The following SS18 variants were observed in gnomAD, a reference collection of about 807,000 sequenced individuals.
SS18 encodes SS18 subunit of BAF chromatin remodeling complex, also known as protein SSXT.
A neutral mutation model predicts 72.5 loss-of-function variants in SS18; 28 were observed. That is an observed-to-expected ratio of 0.39 (90% CI 0.29 to 0.53). The LOEUF (loss-of-function observed/expected upper bound fraction) is 0.53, where lower values mean the gene tolerates loss of function less well. Among genes scored for constraint, SS18 ranks in the 20% least tolerant of loss-of-function variants. The pLI, the probability that SS18 is intolerant of heterozygous loss-of-function variation, is 0.76. For synonymous variants in SS18, 172 were observed against 164.2 expected (o/e 1.05, Z -0.37); for missense variants, 518 against 535.3 (o/e 0.97, Z 0.32).
intron 5 of SS18, among the ~76,000 whole-genome samples, chr18:26,040,755 C>CT (rs2053709463): frequency 6.6e-6 from 1 of 152,136 alleles, no homozygotes; most frequent in South Asian, 2.1e-4. Context: ...GCTTCTGTTT[C>CT]TTTTTTCCTC....
At chr18:26,031,796 G>GT (rs2053546425) in intron 10 of SS18, among the ~76,000 whole-genome samples, 1 of 152,178 alleles carries the variant, frequency 6.6e-6, no homozygotes, top group Non-Finnish European at 1.5e-5. Flanking sequence ...AGGGCGGAAA[G>GT]TTTTAATTTA....
At chr18:26,039,216 T>A in intron 6 of SS18, 73 bp downstream of exon 6, 1 of 931,344 alleles carries the variant, frequency 1.1e-6, no homozygotes, top group Non-Finnish European at 1.6e-6. Context: ...TGACTTTGTC[T>A]AGATTAAAAG....
chr18:26,026,864 A>T (rs928308059), intron 10 of SS18, among the ~76,000 whole-genome samples: 1 of 152,244 alleles, frequency 6.6e-6, no homozygotes, highest in Non-Finnish European at 1.5e-5. Flanking sequence ...CTAAAATTTT[A>T]AAAAATTTAC....
chr18:26,086,339 C>G lies in SS18; in HGVS notation c.146+1162G>C, dbSNP rs1411140674. ...TGACCAATATAGCAGCCACTACACA[C>G]AGTAAAATATGGCTAATCCAAAATG... On this transcript the variant is annotated intron_variant, in intron 2 of 10. Transcript: ENST00000415083. Among the ~76,000 whole-genome samples the G allele has an allele frequency of 2.0e-5, 3 of 152,074 alleles. No homozygotes were observed. The South Asian group carries it at 6.2e-4, about 32-fold the overall frequency.
intron 5 of SS18, among the ~76,000 whole-genome samples, chr18:26,042,036 C>A (rs1029185158): frequency 6.6e-6 from 1 of 151,846 alleles, no homozygotes; most frequent in Non-Finnish European, 1.5e-5. Context: ...TTCCTCGAAG[C>A]CTTATCCATT....
intron 2 of SS18, among the ~76,000 whole-genome samples, chr18:26,084,643 C>T (rs918541233): frequency 6.6e-5 from 10 of 152,100 alleles, no homozygotes; most frequent in Non-Finnish European, 1.2e-4. Context: ...CACAATATCA[C>T]GTCAGTGGTA....
At chr18:26,041,551 A>G (rs1295937759) in intron 5 of SS18, among the ~76,000 whole-genome samples, 2 of 152,226 alleles carry the variant, frequency 1.3e-5, no homozygotes, top group Non-Finnish European at 2.9e-5. Context: ...TGCATATACT[A>G]AACTATTAAA....
At chr18:26,037,655 T>C (rs2143870847) in intron 7 of SS18, among the ~76,000 whole-genome samples, 1 of 152,276 alleles carries the variant, frequency 6.6e-6, no homozygotes, top group Middle Eastern at 3.4e-3. Flanking sequence ...TGGCTGCTAA[T>C]ACTTTAGCTT....
At chr18:26,023,469 T>A (rs2053388826) in intron 10 of SS18, 1 of 363,424 alleles carries the variant, frequency 2.8e-6, no homozygotes. Context: ...TCAAACAATT[T>A]GATAAAGGGA....
At chr18:26,086,992 A>T (rs1458966629) in intron 2 of SS18, among the ~76,000 whole-genome samples, 1 of 152,230 alleles carries the variant, frequency 6.6e-6, no homozygotes, top group African/African-American at 2.4e-5. Context: ...TATTATTCAA[A>T]ATTAGTCAAA....
intron 7 of SS18, 86 bp downstream of exon 7, chr18:26,038,469 G>A (rs1463584301): frequency 1.5e-5 from 18 of 1,222,732 alleles, no homozygotes; most frequent in Middle Eastern, 1.9e-4. Flanking sequence ...TAGTTTCTTC[G>A]TCCTCACTGA....
intron 5 of SS18, among the ~76,000 whole-genome samples, chr18:26,050,770 G>A (rs965654304): frequency 3.9e-5 from 6 of 152,122 alleles, no homozygotes; most frequent in Middle Eastern, 6.8e-3. Flanking sequence ...TTAGCCGGGC[G>A]TAGTGGTGGG....
chr18:26,022,101 C>T (rs1051765846), intron 10 of SS18, among the ~76,000 whole-genome samples: 2 of 152,142 alleles, frequency 1.3e-5, no homozygotes, highest in Non-Finnish European at 1.5e-5. Context: ...AGTTTAAAAT[C>T]TTAACATTAT....
At position 26,035,825 on chromosome 18, in the gene SS18, AG is replaced by A; in HGVS notation, c.973+5del. ...TATGTGTATGTGTGTGAAGGTATATAGATACCTCCTTCGTAGTAATGTTGTG... is the reference window on the plus strand; with the variant it reads ...TATGTGTATGTGTGTGAAGGTATATAATACCTCCTTCGTAGTAATGTTGTG... On this transcript the variant is annotated splice_donor_5th_base_variant and intron_variant, in intron 8 of 10. Coordinates refer to ENST00000415083, the MANE Select transcript of SS18 (RefSeq NM_001007559.3). The surrounding 1 kb of genome is among the most constrained non-coding windows in gnomAD (Gnocchi z 4.4). 1 of 1,584,778 alleles carries A rather than the reference AG, an allele frequency of 6.3e-7. No homozygotes were observed. The highest frequency in any genetic ancestry group is 8.6e-7 in the Non-Finnish European group (1 of 1,159,926).
At chr18:26,090,914 C>G (rs1006663170), upstream of SS18, 2 of 361,660 alleles carry the variant, frequency 5.5e-6, no homozygotes, top group South Asian at 3.6e-5. Context: ...GTCCCGCCGC[C>G]GCGGGAGAAG....
Position 26,035,139 on chromosome 18 carries a change from T to G in SS18, c.974-12A>C. ...ATACTGTGAATTTCCTACAGGATAATTGGAGAAGAGGAAAAAAAACTGAGA... is the reference window on the plus strand; with the variant it reads ...ATACTGTGAATTTCCTACAGGATAAGTGGAGAAGAGGAAAAAAAACTGAGA... On this transcript the variant is annotated splice_polypyrimidine_tract_variant and intron_variant, in intron 8 of 10. Coordinates refer to ENST00000415083, the MANE Select transcript of SS18 (RefSeq NM_001007559.3). This position sits in a 1 kb window ranked among gnomAD's most constrained non-coding sequence, Gnocchi z 4.4. 6.2e-7 allele frequency: 1 copy of G among 1,611,424 alleles called. No homozygotes were observed. Among genetic ancestry groups the G allele is most frequent in the Non-Finnish European group, 8.5e-7 (1 of 1,178,620 alleles).
At chr18:26,036,027 A>C in intron 7 of SS18, 104 bp from the exon 8 acceptor site, 1 of 765,422 alleles carries the variant, frequency 1.3e-6, no homozygotes, top group Non-Finnish European at 2.1e-6. Flanking sequence ...AAGAAAAAGA[A>C]ATGGAACATA....
Position 26,039,270 on chromosome 18 carries a change from T to A in SS18, c.775+19A>T, listed in dbSNP as rs1185483993. On this transcript the variant is annotated intron_variant, in intron 6 of 10. Coordinates refer to ENST00000415083, the MANE Select transcript of SS18 (RefSeq NM_001007559.3). ...CTTTCAATTACATTAAGTAGCAAAT[T>A]TTCCAAATGGAATCTTACCCTGTTG... is the stretch of plus-strand genomic sequence containing the variant. 2.5e-6 allele frequency: 4 copies of A among 1,582,878 alleles called. No individual in the cohort carries two copies. The African/African-American group carries it at 4.0e-5, about 16-fold the overall frequency.
At chr18:26,083,101 A>C (rs906881345) in intron 2 of SS18, among the ~76,000 whole-genome samples, 1 of 152,224 alleles carries the variant, frequency 6.6e-6, no homozygotes, top group Non-Finnish European at 1.5e-5. Context: ...GAAAGAAAGA[A>C]TATCTGAAGA....
Sources: gnomAD v4.1 joint callset for allele counts (sites outside exome capture counted in the v4.1 genomes callset) on GRCh38, gnomAD v4.1.1 for gene constraint, Gnocchi (gnomAD v3.1) non-coding constraint, MANE v1.5 for transcripts, NCBI Gene and HGNC (gene_info 2026-07-23, HGNC 2026-07-21) for gene names.